GLIS3: variants seen among roughly 807,000 people sequenced by gnomAD.
The protein encoded by GLIS3 is GLIS family zinc finger 3, also known as zinc finger protein GLIS3.
Under a neutral mutation model 78.6 loss-of-function variants are expected in GLIS3, and 53 were observed. The observed-to-expected ratio is 0.67, with a 90% CI of 0.54 to 0.85. The LOEUF (loss-of-function observed/expected upper bound fraction) is 0.85. Among genes scored for constraint, GLIS3 ranks in the 40% least tolerant of loss-of-function variants. The probability of loss-of-function intolerance (pLI) is 0.00; values close to 1 mark genes in which losing one functional copy is unlikely to be tolerated. For synonymous variants in GLIS3, 684 were observed against 509.9 expected, an observed-to-expected ratio of 1.34 and a Z score of -4.60; for missense variants, 1,703 against 1,231.1, an observed-to-expected ratio of 1.38 and a Z score of -5.74.
chr9:4,256,219 T>A (rs1055391831), intron 2 of GLIS3, among the ~76,000 whole-genome samples: 1 of 152,154 alleles, frequency 6.6e-6, no homozygotes, highest in South Asian at 2.1e-4. Flanking sequence ...GAGGCAATAT[T>A]TAATTCTAAT....
At chr9:4,257,993 T>A (rs1172247735) in intron 2 of GLIS3, among the ~76,000 whole-genome samples, 1 of 152,176 alleles carries the variant, frequency 6.6e-6, no homozygotes, top group Non-Finnish European at 1.5e-5. Flanking sequence ...ACCAAGCTAA[T>A]ATTATATAAA....
intron 4 of GLIS3, among the ~76,000 whole-genome samples, chr9:4,035,325 G>A (rs1231035814): frequency 6.6e-6 from 1 of 152,006 alleles, no homozygotes; most frequent in South Asian, 2.1e-4. Flanking sequence ...TAAAGTAAAA[G>A]CTCCTGACCA....
At chr9:4,377,684 T>A in the GLIS3 span, among the ~76,000 whole-genome samples, 1 of 152,166 alleles carries the variant, frequency 6.6e-6, no homozygotes, top group African/African-American at 2.4e-5. Context: ...TGGTTTTACA[T>A]TATTACAAGA....
the GLIS3 span, among the ~76,000 whole-genome samples, chr9:4,416,583 C>T: frequency 6.6e-6 from 1 of 151,928 alleles, no homozygotes; most frequent in Non-Finnish European, 1.5e-5. Context: ...TTTGGATCAG[C>T]TTCCATTATT....
At chr9:4,069,759 T>G (rs555254312) in intron 4 of GLIS3, among the ~76,000 whole-genome samples, 1 of 152,278 alleles carries the variant, frequency 6.6e-6, no homozygotes, top group Non-Finnish European at 1.5e-5. Flanking sequence ...ACAGCTGTTT[T>G]GTTATTTTGC....
At chr9:4,229,980 C>T (rs1822109955) in intron 2 of GLIS3, among the ~76,000 whole-genome samples, 1 of 152,124 alleles carries the variant, frequency 6.6e-6, no homozygotes, top group Non-Finnish European at 1.5e-5. Context: ...AAAGTAAATC[C>T]CTTAATTTCT....
chr9:4,079,914 A>G (rs976534072), intron 4 of GLIS3, among the ~76,000 whole-genome samples: 2 of 152,184 alleles, frequency 1.3e-5, no homozygotes, highest in African/African-American at 4.8e-5. Flanking sequence ...AATAGAAGAA[A>G]TAAGAAAAAG....
chr9:4,355,188 G>A, the GLIS3 span, among the ~76,000 whole-genome samples: 2 of 152,054 alleles, frequency 1.3e-5, no homozygotes, highest in African/African-American at 4.8e-5. Flanking sequence ...AGTCAAAGTA[G>A]TAGAGTTGGA....
At chr9:3,961,649 G>A (rs1817563758) in intron 4 of GLIS3, among the ~76,000 whole-genome samples, 1 of 152,194 alleles carries the variant, frequency 6.6e-6, no homozygotes, top group Non-Finnish European at 1.5e-5. Context: ...CTCCCATATT[G>A]AGAATAGTTA....
intron 2 of GLIS3, among the ~76,000 whole-genome samples, chr9:4,335,944 G>C (rs774464137): frequency 1.3e-5 from 2 of 152,102 alleles, no homozygotes; most frequent in African/African-American, 2.4e-5. Context: ...TGCGGACTTC[G>C]GTAAATTTAC....
intron 2 of GLIS3, among the ~76,000 whole-genome samples, chr9:4,277,484 T>G (rs765097430): frequency 1.3e-5 from 2 of 152,228 alleles, no homozygotes; most frequent in Non-Finnish European, 2.9e-5. Flanking sequence ...AAACCAGGTC[T>G]TTACAAGAGA....
chr9:4,008,247 C>T (rs1023726997), intron 4 of GLIS3, among the ~76,000 whole-genome samples: 6 of 152,116 alleles, frequency 3.9e-5, no homozygotes, highest in African/African-American at 1.4e-4. Context: ...CTGCTTAGCT[C>T]AGAGTAGGCC....
intron 2 of GLIS3, among the ~76,000 whole-genome samples, chr9:4,233,332 A>G (rs1822437814): frequency 6.6e-6 from 1 of 152,238 alleles, no homozygotes; most frequent in Admixed American, 6.5e-5. Flanking sequence ...ACTTTATACC[A>G]GGACCAAACT....
At chr9:3,958,148 C>A (rs1275229161) in intron 4 of GLIS3, among the ~76,000 whole-genome samples, 2 of 152,188 alleles carry the variant, frequency 1.3e-5, no homozygotes, top group African/African-American at 4.8e-5. Flanking sequence ...AGGTAAATGT[C>A]TGCCATACAC....
chr9:3,825,906 G>A lies in GLIS3; in HGVS notation c.*2366C>T, dbSNP rs1440290238. On this transcript the variant is annotated 3_prime_UTR_variant, in exon 11 of 11. Coordinates refer to ENST00000381971, the MANE Select transcript of GLIS3 (RefSeq NM_001042413.2). ...CCACATTGATTTCCTGCTGAGGAAG[G>A]AGGGCTGCAGGTGCCTCTATTGCTT... 1 of 152,318 alleles carries A rather than the reference G, an allele frequency of 6.6e-6. No homozygotes were observed. Among genetic ancestry groups the A allele is most frequent in the South Asian group, 2.1e-4 (1 of 4,830 alleles). 9.4% of individuals were successfully genotyped at this position (152,318 alleles called of 1,614,324 possible). A position where few individuals can be genotyped will look rare whatever the true frequency, so the allele number is the denominator to read the frequency against.
chr9:3,963,715 G>C (rs549062445), intron 4 of GLIS3, among the ~76,000 whole-genome samples: 43 of 152,248 alleles, frequency 2.8e-4, no homozygotes, highest in African/African-American at 1.0e-3. Context: ...GTAAAGCACA[G>C]ATTGGGTTCA....
the GLIS3 span, among the ~76,000 whole-genome samples, chr9:4,452,993 C>A: frequency 6.6e-6 from 1 of 152,190 alleles, no homozygotes; most frequent in East Asian, 1.9e-4. Context: ...GAACAGAGGC[C>A]TCAGAAATAA....
chr9:4,338,367 T>TACAC (rs556724177), intron 2 of GLIS3, among the ~76,000 whole-genome samples: 112 of 131,720 alleles, frequency 8.5e-4, no homozygotes, highest in African/African-American at 2.1e-3. Flanking sequence ...TATATGTGTG[T>TACAC]ACACACACAC....
the GLIS3 span, among the ~76,000 whole-genome samples, chr9:4,455,066 C>T: frequency 1.3e-5 from 2 of 152,188 alleles, no homozygotes; most frequent in East Asian, 1.9e-4. Context: ...GTGGATAGGG[C>T]AAAGTAGAAT....
Sources: gnomAD v4.1 joint callset for allele counts (sites outside exome capture counted in the v4.1 genomes callset) on GRCh38, gnomAD v4.1.1 for gene constraint, MANE v1.5 for transcripts, NCBI Gene and HGNC (gene_info 2026-07-23, HGNC 2026-07-21) for gene names.